Variants in CFAP299 observed in about 807,000 individuals in gnomAD.
The protein encoded by CFAP299 is cilia and flagella associated protein 299.
In CFAP299, 21 loss-of-function variants were observed where a neutral mutation model predicts 27.0. That is an observed-to-expected ratio of 0.78 (90% confidence interval 0.55 to 1.12). CFAP299 has a LOEUF of 1.12. Ranked by LOEUF, CFAP299 falls within the 50% of genes most tolerant of loss-of-function variation. The pLI is 0.00. For missense variants in CFAP299, 310 were observed against 276.6 expected (o/e 1.12, Z -0.86); for synonymous variants, 104 against 98.1 (o/e 1.06, Z -0.36).
intron 3 of CFAP299, among the ~76,000 whole-genome samples, chr4:80,647,996 G>T (rs944785887): frequency 1.3e-5 from 2 of 152,176 alleles, no homozygotes; most frequent in Non-Finnish European, 2.9e-5. Flanking sequence ...GGTGGAGGTT[G>T]CAGTAAGCTG....
chr4:80,683,819 T>C (rs1408621568), intron 3 of CFAP299, among the ~76,000 whole-genome samples: 5 of 152,336 alleles, frequency 3.3e-5, no homozygotes, highest in East Asian at 3.9e-4. Context: ...ATTTACACAG[T>C]ACCTTATCCA....
At chr4:80,669,931 G>T (rs1481703136) in intron 3 of CFAP299, among the ~76,000 whole-genome samples, 3 of 150,436 alleles carry the variant, frequency 2.0e-5, no homozygotes, top group Admixed American at 2.0e-4. Context: ...GCAGTCTGTC[G>T]ATTTTGTTGT....
chr4:80,382,388 C>T (rs1724746080), intron 2 of CFAP299, among the ~76,000 whole-genome samples: 1 of 152,138 alleles, frequency 6.6e-6, no homozygotes, highest in Non-Finnish European at 1.5e-5. Flanking sequence ...AAACTCTTAA[C>T]AGAGTAAGCA....
chr4:80,469,271 C>G (rs1310280493), intron 2 of CFAP299, among the ~76,000 whole-genome samples: 1 of 152,212 alleles, frequency 6.6e-6, no homozygotes, highest in African/African-American at 2.4e-5. Flanking sequence ...ATTCAACAAC[C>G]ATTGTTCTGG....
At chr4:80,641,796 T>G (rs1739740084) in intron 3 of CFAP299, among the ~76,000 whole-genome samples, 1 of 152,186 alleles carries the variant, frequency 6.6e-6, no homozygotes, top group African/African-American at 2.4e-5. Context: ...TCATTCAAGC[T>G]AAACAGGGAT....
At chr4:80,678,794 T>C (rs1205889505) in intron 3 of CFAP299, among the ~76,000 whole-genome samples, 1 of 152,058 alleles carries the variant, frequency 6.6e-6, no homozygotes, top group Non-Finnish European at 1.5e-5. Flanking sequence ...AAAAATAGTA[T>C]TAATATGTAA....
At chr4:80,728,952 A>C (rs1038733149) in intron 3 of CFAP299, among the ~76,000 whole-genome samples, 1 of 152,146 alleles carries the variant, frequency 6.6e-6, no homozygotes, top group Non-Finnish European at 1.5e-5. Flanking sequence ...AATACCTAAA[A>C]GCTCCCCACA....
chr4:80,665,001 A>C (rs1390952180), intron 3 of CFAP299, among the ~76,000 whole-genome samples: 1 of 152,042 alleles, frequency 6.6e-6, no homozygotes, highest in Non-Finnish European at 1.5e-5. Context: ...GACCCCTTGC[A>C]CTTCCCGGGT....
At chr4:80,803,663 A>T (rs1434159155) in intron 3 of CFAP299, among the ~76,000 whole-genome samples, 1 of 151,068 alleles carries the variant, frequency 6.6e-6, no homozygotes, top group Non-Finnish European at 1.5e-5. Flanking sequence ...AAGAAGAATA[A>T]AAGCTAGTAA....
At chr4:80,913,403 T>C (rs186888457) in intron 4 of CFAP299, among the ~76,000 whole-genome samples, 1 of 152,318 alleles carries the variant, frequency 6.6e-6, no homozygotes, top group Non-Finnish European at 1.5e-5. Flanking sequence ...TATCTTAACA[T>C]ACAATACTAT....
chr4:80,847,401 C>A (rs1338648857), intron 3 of CFAP299, among the ~76,000 whole-genome samples: 1 of 152,162 alleles, frequency 6.6e-6, no homozygotes, highest in Non-Finnish European at 1.5e-5. Flanking sequence ...TCCTCCCTCT[C>A]CTTTTTGGGT....
chr4:80,908,904 GCA>G (rs150862436), intron 4 of CFAP299, among the ~76,000 whole-genome samples: 9 of 150,132 alleles, frequency 6.0e-5, no homozygotes, highest in Admixed American at 2.7e-4. Context: ...ATACACGCAA[GCA>G]CACACACACA....
intron 4 of CFAP299, among the ~76,000 whole-genome samples, chr4:80,934,688 A>G (rs1490493269): frequency 6.6e-6 from 1 of 151,998 alleles, no homozygotes; most frequent in Non-Finnish European, 1.5e-5. Context: ...GTAAGTGTTC[A>G]TAATAGTGTT....
intron 3 of CFAP299, among the ~76,000 whole-genome samples, chr4:80,842,647 G>T (rs530345588): frequency 6.6e-6 from 1 of 152,040 alleles, no homozygotes; most frequent in Non-Finnish European, 1.5e-5. Context: ...AGCTTAAGTG[G>T]GATATGGAAA....
chr4:80,442,530 C>T (rs1307738453), intron 2 of CFAP299, among the ~76,000 whole-genome samples: 4 of 152,042 alleles, frequency 2.6e-5, no homozygotes, highest in Non-Finnish European at 5.9e-5. Flanking sequence ...CACAACATAC[C>T]AGAATCTCTG....
At chr4:80,401,602 G>A (rs111752452) in intron 2 of CFAP299, among the ~76,000 whole-genome samples, 2 of 152,178 alleles carry the variant, frequency 1.3e-5, no homozygotes, top group African/African-American at 4.8e-5. Context: ...ACACCTGAAT[G>A]CCCAGGCAAA....
intron 1 of CFAP299, among the ~76,000 whole-genome samples, chr4:80,340,791 T>C (rs901581004): frequency 6.6e-6 from 1 of 152,090 alleles, no homozygotes; most frequent in African/African-American, 2.4e-5. Context: ...TTATTATTTT[T>C]TTTTTTGGAG....
intron 3 of CFAP299, among the ~76,000 whole-genome samples, chr4:80,633,189 C>G (rs1322449261): frequency 6.6e-6 from 1 of 152,212 alleles, no homozygotes; most frequent in Non-Finnish European, 1.5e-5. Flanking sequence ...TGGCTCACGC[C>G]TGTAATCCCA....
intron 3 of CFAP299, among the ~76,000 whole-genome samples, chr4:80,710,390 A>G (rs150164874): frequency 7.2e-5 from 11 of 152,156 alleles, no homozygotes; most frequent in African/African-American, 2.4e-4. Context: ...AAACACACTA[A>G]GAGGGAGATT....
Sources: allele counts gnomAD v4.1 joint callset (sites outside exome capture counted in the v4.1 genomes callset), GRCh38; gene constraint gnomAD v4.1.1; transcripts MANE v1.5; gene names NCBI Gene and HGNC (gene_info 2026-07-23, HGNC 2026-07-21).